ZFC3H1: variants seen among roughly 807,000 people sequenced by gnomAD.
ZFC3H1 encodes the protein zinc finger C3H1-type containing.
ZFC3H1 carries 71 observed loss-of-function variants against 243.7 expected under a neutral mutation model. That is an observed-to-expected ratio of 0.29 (90% confidence interval 0.24 to 0.36). ZFC3H1 has a LOEUF of 0.36. Ranked by LOEUF, ZFC3H1 falls within the 10% of genes least tolerant of loss-of-function variation. The pLI is 1.00. For synonymous variants in ZFC3H1, 838 were observed against 813.0 expected (o/e 1.03, Z -0.52); for missense variants, 1,966 against 2,317.1 (o/e 0.85, Z 3.11).
chr12:71,614,785 T>C (rs776675096), intron 29 of ZFC3H1, 49 bp downstream of exon 29: 8 of 1,595,846 alleles, frequency 5.0e-6, no homozygotes, highest in Middle Eastern at 1.7e-4. Flanking sequence ...TTCCCGATCA[T>C]ACCCCTTTAT....
At chr12:71,636,793 G>A (rs1880473177) in intron 8 of ZFC3H1, 57 bp downstream of exon 8, 1 of 1,587,270 alleles carries the variant, frequency 6.3e-7, no homozygotes, top group Non-Finnish European at 8.6e-7. Flanking sequence ...AAAAAAGTAG[G>A]ACTACCGTAA....
intron 2 of ZFC3H1, among the ~76,000 whole-genome samples, chr12:71,650,002 C>A (rs933506563): frequency 3.3e-5 from 5 of 152,208 alleles, no homozygotes; most frequent in Admixed American, 3.3e-4. Context: ...TCCTGGCTAA[C>A]ATGGTGAAAC....
In ZFC3H1 at chr12:71,663,410, G is replaced by T; in HGVS notation, c.201C>A (p.Gly67=). ...PPHSARGGGS[G]GGGGSSSSSS... is the part of the protein sequence containing the mutation. ...ATGACGAGGAAGAGCCACCGCCTCC[G>T]CCAGATCCACCGCCCCGGGCCGAGT... The change falls in exon 1 of 35, where the codon GGC becomes GGA. Residue 67 remains glycine, a synonymous_variant. Coordinates refer to ENST00000378743, the MANE Select transcript of ZFC3H1 (RefSeq NM_144982.5). 1 of 1,611,728 alleles carries T rather than the reference G, an allele frequency of 6.2e-7. No homozygotes were observed. The highest frequency in any genetic ancestry group is 8.5e-7 in the Non-Finnish European group (1 of 1,180,016).
At chr12:71,625,119 T>A (rs1880130478) in intron 22 of ZFC3H1, among the ~76,000 whole-genome samples, 1 of 151,604 alleles carries the variant, frequency 6.6e-6, no homozygotes, top group South Asian at 2.1e-4. Context: ...TGCTCTAGGT[T>A]AAAAAAAAAT....
At chr12:71,635,984 T>A (rs1196832736) in intron 9 of ZFC3H1, among the ~76,000 whole-genome samples, 1 of 152,194 alleles carries the variant, frequency 6.6e-6, no homozygotes, top group Non-Finnish European at 1.5e-5. Context: ...TTTCAACTTG[T>A]CTTTGTTCTA....
intron 6 of ZFC3H1, among the ~76,000 whole-genome samples, chr12:71,640,543 C>T (rs1343467798): frequency 2.6e-5 from 4 of 152,206 alleles, no homozygotes. Context: ...GTATTTGCAG[C>T]CTCAGAGCTT....
intron 6 of ZFC3H1, among the ~76,000 whole-genome samples, chr12:71,640,759 A>C (rs886213749): frequency 1.2e-4 from 19 of 152,174 alleles, no homozygotes; most frequent in Admixed American, 1.2e-3. Flanking sequence ...TTGTTCTGCC[A>C]CTGTGGTATC....
intron 6 of ZFC3H1, among the ~76,000 whole-genome samples, chr12:71,640,820 C>T (rs1880581980): frequency 6.6e-6 from 1 of 152,038 alleles, no homozygotes; most frequent in Admixed American, 6.6e-5. Flanking sequence ...CTGCCTGAAA[C>T]CTCAGATCCT....
chr12:71,637,086 C>A (rs1880482537), intron 7 of ZFC3H1, 27 bp from the exon 8 acceptor site: 2 of 1,585,434 alleles, frequency 1.3e-6, no homozygotes, highest in Admixed American at 3.7e-5. Context: ...GAAAGAATTA[C>A]AACGCAAATT....
At chr12:71,626,160 T>C (rs1305856565) in intron 22 of ZFC3H1, 100 bp downstream of exon 22, 1 of 1,253,138 alleles carries the variant, frequency 8.0e-7, no homozygotes, top group Non-Finnish European at 1.1e-6. Flanking sequence ...AGATAAAGCA[T>C]ATGCTCTATT....
In ZFC3H1 at chr12:71,638,578, T is replaced by G. The variant is rs1592595461; in HGVS notation, c.1628-63A>C. 2.1e-5 allele frequency: 28 copies of G among 1,320,296 alleles called. 1 individual carries two copies. The East Asian group carries it at 6.7e-4, about 32-fold the overall frequency. 81.8% of individuals were successfully genotyped at this position (1,320,296 alleles called of 1,614,324 possible). A position where few individuals can be genotyped will look rare whatever the true frequency, so the allele number is the denominator to read the frequency against. On this transcript the variant is annotated intron_variant, in intron 6 of 34. Transcript: ENST00000378743. ...AATACTTCATCAGGAATATATTAAGTTTATGTTATGTTTGAAGAAATACAT... is the reference window on the plus strand; with the variant it reads ...AATACTTCATCAGGAATATATTAAGGTTATGTTATGTTTGAAGAAATACAT...
intron 19 of ZFC3H1, 49 bp downstream of exon 19, chr12:71,629,556 TACAC>T (rs35067681): frequency 0.027 from 18,898 of 687,522 alleles, 28 homozygotes; most frequent in East Asian, 0.086. Context: ...AGAGATACAG[TACAC>T]ACACACACAC....
chr12:71,623,575 T>C lies in ZFC3H1; in HGVS notation c.4529A>G (p.Asp1510Gly), dbSNP rs904279670. 2 of 1,609,076 alleles carry C rather than the reference T, an allele frequency of 1.2e-6. No individual in the cohort carries two copies. Among genetic ancestry groups the C allele is most frequent in the Admixed American group, 3.4e-5 (2 of 58,640 alleles). ...ILQNALKSAN[D>G]GIVAEYLKTS... ...TTTAAGGTATTCAGCTACTATTCCA[T>C]CATTAGCAGATTTCAATGCATTCTA... Residue 1510 changes from aspartate to glycine, a missense_variant, in exon 24 of 35, where the codon GAT (aspartate) becomes GGT (glycine). Around this residue, in one of 4 missense-constraint regions of ZFC3H1, gnomAD observed 1,383 missense variants for 1,723.7 expected, o/e 0.80. Coordinates refer to ENST00000378743, the MANE Select transcript of ZFC3H1 (RefSeq NM_144982.5).
intron 27 of ZFC3H1, 49 bp from the exon 28 acceptor site, chr12:71,615,365 G>T (rs2137515091): frequency 1.7e-6 from 2 of 1,149,404 alleles, no homozygotes; most frequent in Non-Finnish European, 2.5e-6. Flanking sequence ...TACCCACACA[G>T]GAATTACACA....
chr12:71,662,087 A>G (rs765940408), intron 1 of ZFC3H1, among the ~76,000 whole-genome samples: 9 of 152,244 alleles, frequency 5.9e-5, no homozygotes, highest in Non-Finnish European at 1.3e-4. Context: ...CAATTTTTGC[A>G]ATGATCACAG....
chr12:71,613,307 G>A (rs1592581704), intron 31 of ZFC3H1, 28 bp downstream of exon 31: 3 of 1,552,910 alleles, frequency 1.9e-6, no homozygotes, highest in East Asian at 2.3e-5. Flanking sequence ...TTAGGCAGAG[G>A]ACCAAAAGAA....
intron 27 of ZFC3H1, among the ~76,000 whole-genome samples, chr12:71,617,181 C>T (rs1244630433): frequency 6.6e-6 from 1 of 152,092 alleles, no homozygotes; most frequent in Non-Finnish European, 1.5e-5. Context: ...GCAGATTTCT[C>T]CTATTAATAA....
chr12:71,634,318 A>T lies in ZFC3H1; in HGVS notation c.2361-14T>A. On this transcript the variant is annotated splice_polypyrimidine_tract_variant and intron_variant, in intron 11 of 34. Transcript: ENST00000378743. ...TGTTTCTCACGGCTAAAATTATCAA[A>T]AAGGATATATGCATTACACCCAAGA... The T allele has an allele frequency of 3.1e-6, 5 of 1,611,762 alleles. No homozygotes were observed. Among genetic ancestry groups the T allele is most frequent in the Non-Finnish European group, 4.2e-6 (5 of 1,179,176 alleles).
At chr12:71,624,529 A>G (rs1592587727) in intron 22 of ZFC3H1, among the ~76,000 whole-genome samples, 1 of 152,266 alleles carries the variant, frequency 6.6e-6, no homozygotes, top group Non-Finnish European at 1.5e-5. Flanking sequence ...ACTCTTAGAG[A>G]TATCACTGAA....
Sources: allele counts gnomAD v4.1 joint callset (sites outside exome capture counted in the v4.1 genomes callset), GRCh38; gene constraint gnomAD v4.1.1; regional missense constraint gnomAD v4.1.1; transcripts MANE v1.5; gene names NCBI Gene and HGNC (gene_info 2026-07-23, HGNC 2026-07-21).